Variants in ECI2 observed in about 807,000 individuals in gnomAD.
ECI2 encodes the protein enoyl-CoA delta isomerase 2, also known as D3,D2-enoyl-CoA isomerase.
ECI2 carries 27 observed loss-of-function variants against 38.4 expected under a neutral mutation model. The ratio of observed to expected loss-of-function variants is 0.70; its 90% CI spans 0.52 to 0.97. The LOEUF (loss-of-function observed/expected upper bound fraction) is 0.97. Ranked by LOEUF, ECI2 falls within the 50% of genes least tolerant of loss-of-function variation. The pLI is 0.00. For synonymous variants in ECI2, 168 were observed against 172.0 expected (o/e 0.98, Z 0.18); for missense variants, 470 against 474.4 (o/e 0.99, Z 0.09).
chr6:4,123,963 T>TAA (rs775409140), intron 7 of ECI2, among the ~76,000 whole-genome samples: 3 of 144,706 alleles, frequency 2.1e-5, no homozygotes, highest in African/African-American at 7.6e-5. Context: ...TCCCATCTCT[T>TAA]AAAAAAAAAA....
At chr6:4,117,929 A>G (rs1453928068) in intron 8 of ECI2, 1 of 152,750 alleles carries the variant, frequency 6.5e-6, no homozygotes, top group Non-Finnish European at 1.5e-5. Context: ...AATTAGTTCT[A>G]TTTGACTAAA....
At chr6:4,118,582 T>C (rs1772441989) in intron 8 of ECI2, 1 of 152,292 alleles carries the variant, frequency 6.6e-6, no homozygotes, top group Admixed American at 6.5e-5. Flanking sequence ...CTTCGAGTCA[T>C]GCCACAGGGC....
intron 7 of ECI2, among the ~76,000 whole-genome samples, chr6:4,120,365 C>T (rs1325577022): frequency 6.6e-6 from 1 of 152,188 alleles, no homozygotes; most frequent in Non-Finnish European, 1.5e-5. Flanking sequence ...ACTTGGACAG[C>T]ATGTTACTAT....
chr6:4,126,225 T>G lies in ECI2; in HGVS notation c.584A>C (p.Tyr195Ser). ...AGTCAGATCATTCCCACTACTGTAA[T>G]AGTCACCATTTCCTATAAGTAAGAA... ...IITVLTGNGDYYSSGNDLTNF... is the reference protein window; with the variant it reads ...IITVLTGNGDSYSSGNDLTNF... The change falls in exon 6 of 10, where the codon TAT (tyrosine) becomes TCT (serine). Residue 195 changes from tyrosine (Y) to serine (S), a missense_variant. Coordinates refer to ENST00000380118, the MANE Select transcript of ECI2 (RefSeq NM_206836.3). 1 of 1,612,028 alleles carries G rather than the reference T, an allele frequency of 6.2e-7. No homozygotes were observed. Among genetic ancestry groups the G allele is most frequent in the South Asian group, 1.1e-5 (1 of 90,652 alleles).
chr6:4,121,994 T>A (rs1200383491), intron 7 of ECI2: 2 of 1,608,012 alleles, frequency 1.2e-6, no homozygotes, highest in Admixed American at 1.7e-5. Flanking sequence ...GCCTAAGGAA[T>A]ACAAGCAGGA....
At chr6:4,125,478 TCCAC>T in intron 6 of ECI2, 108 bp from the exon 7 acceptor site, 1 of 1,489,662 alleles carries the variant, frequency 6.7e-7, no homozygotes, top group Non-Finnish European at 9.1e-7. Context: ...GCTGGGTGTT[TCCAC>T]AGCCACCACC....
intron 7 of ECI2, among the ~76,000 whole-genome samples, chr6:4,124,440 C>T (rs1196663918): frequency 1.3e-5 from 2 of 152,196 alleles, no homozygotes; most frequent in African/African-American, 4.8e-5. Context: ...AGGCTGCAAT[C>T]ATCAGCACAG....
chr6:4,118,427 G>A (rs563018341), intron 8 of ECI2: 4 of 152,234 alleles, frequency 2.6e-5, no homozygotes, highest in African/African-American at 4.8e-5. Flanking sequence ...CCTAATGAGA[G>A]TAAAAACATA....
intron 7 of ECI2, 86 bp from the exon 8 acceptor site, chr6:4,119,361 C>T (rs1772519256): frequency 1.8e-6 from 2 of 1,089,754 alleles, no homozygotes; most frequent in Non-Finnish European, 2.6e-6. Context: ...CGCTCTTTTG[C>T]CCAGGCTGCA....
chr6:4,130,197 A>C, intron 4 of ECI2, 175 bp downstream of exon 4: 1 of 1,613,874 alleles, frequency 6.2e-7, no homozygotes, highest in Non-Finnish European at 8.5e-7. Context: ...CACAAACTCT[A>C]AACAATGAAT....
chr6:4,125,531 G>A (rs951129618), intron 6 of ECI2, 161 bp from the exon 7 acceptor site: 9 of 1,009,196 alleles, frequency 8.9e-6, no homozygotes, highest in Admixed American at 7.7e-5. Context: ...CTGGTCTTCC[G>A]CACCAGATTC....
In ECI2 at chr6:4,126,143, A is replaced by G. The variant is rs1581983133; in HGVS notation, c.666T>C (p.Val222=). The part of the protein sequence containing the change: ...GVEEKAKNNA[V]LLREFVGCFI... The stretch of plus-strand genomic sequence containing the variant: ...AGGTCAGTAACTCTTACCTCAGTAA[A>G]ACGGCATTATTTTTAGCTTTCTCCT... The change falls in exon 6 of 10, where the codon GTT becomes GTC. Residue 222 remains valine (V), a synonymous_variant. Coordinates refer to ENST00000380118, the MANE Select transcript of ECI2 (RefSeq NM_206836.3). 10 of 1,613,510 alleles carry G rather than the reference A, an allele frequency of 6.2e-6. No homozygotes were observed. Among genetic ancestry groups the G allele is most frequent in the Non-Finnish European group, 8.5e-6 (10 of 1,179,772 alleles).
In ECI2 at chr6:4,133,689, G is replaced by A. The variant is rs775082344; in HGVS notation, c.73C>T (p.Pro25Ser). 6.2e-7 allele frequency: 1 copy of A among 1,611,078 alleles called. No individual in the cohort carries two copies. ...CTATTCATGTGCAGCTGAACTACCG[G>A]GAAACTAGTGACCTGCAGAGAACTA... is the stretch of plus-strand genomic sequence containing the variant. ...CPSSLQVTSF[P>S]VVQLHMNRTA... is the part of the protein sequence containing the mutation. Residue 25 changes from proline to serine, a missense_variant, in exon 2 of 10, where the codon CCG becomes TCG. Transcript: ENST00000380118.
chr6:4,125,578 A>C, intron 6 of ECI2: 1 of 659,938 alleles, frequency 1.5e-6, no homozygotes, highest in Non-Finnish European at 2.5e-6. Context: ...TGGATGGAAG[A>C]CCAACCAGTG....
At chr6:4,131,596 C>T (rs1009107697) in intron 2 of ECI2, among the ~76,000 whole-genome samples, 1 of 152,058 alleles carries the variant, frequency 6.6e-6, no homozygotes, top group African/African-American at 2.4e-5. Context: ...GTGGCTCACA[C>T]CTGTAATCTC....
At chr6:4,132,936 G>T (rs1002744836) in intron 2 of ECI2, among the ~76,000 whole-genome samples, 1 of 151,988 alleles carries the variant, frequency 6.6e-6, no homozygotes, top group African/African-American at 2.4e-5. Flanking sequence ...GCTCATTTTT[G>T]AGTTTTTAGT....
At chr6:4,117,243 G>A in intron 9 of ECI2, 65 bp downstream of exon 9, 1 of 1,525,246 alleles carries the variant, frequency 6.6e-7, no homozygotes, top group Admixed American at 2.2e-5. Flanking sequence ...TTCTCTGAAG[G>A]CAAATAAATT....
rs1773258719 is a variant in ECI2 at position 4,127,676 on chromosome 6, C to CT, written c.571+85dup. 4 of 1,434,344 alleles carry CT rather than the reference C, an allele frequency of 2.8e-6. No homozygotes were observed. In the South Asian group the frequency reaches 5.2e-5, roughly 19 times the overall value. 88.9% of individuals were successfully genotyped at this position (1,434,344 alleles called of 1,614,324 possible). On this transcript the variant is annotated intron_variant, in intron 5 of 9. Coordinates refer to ENST00000380118, the MANE Select transcript of ECI2 (RefSeq NM_206836.3). ...GAGCCACCTGCCTCGGCCTCCAGGT[C>CT]TTAGAGCTTTTTAACTCAATTTCCT...
At chr6:4,125,170 C>T in intron 7 of ECI2, 80 bp downstream of exon 7, 1 of 1,573,510 alleles carries the variant, frequency 6.4e-7, no homozygotes, top group Non-Finnish European at 8.6e-7. Flanking sequence ...CTGCTTATGA[C>T]TGGCAACGCT....
Sources: allele counts gnomAD v4.1 joint callset (sites outside exome capture counted in the v4.1 genomes callset), GRCh38; gene constraint gnomAD v4.1.1; transcripts MANE v1.5; gene names NCBI Gene and HGNC (gene_info 2026-07-23, HGNC 2026-07-21).